Variants in CABLES1 observed in about 807,000 individuals in gnomAD.
The protein encoded by CABLES1 is Cdk5 and Abl enzyme substrate 1, also known as CDK5 and ABL1 enzyme substrate 1.
Under a neutral mutation model 57.8 loss-of-function variants are expected in CABLES1, and 36 were observed. The ratio of observed to expected loss-of-function variants is 0.62; its 90% confidence interval spans 0.48 to 0.82. The LOEUF is 0.82. Among genes scored for constraint, CABLES1 ranks in the 40% least tolerant of loss-of-function variants. The pLI is 0.00. For missense variants in CABLES1, 767 were observed against 836.6 expected, an observed-to-expected ratio of 0.92 and a Z score of 1.03; for synonymous variants, 374 against 363.0, an observed-to-expected ratio of 1.03 and a Z score of -0.35.
At chr18:23,165,556 T>C (rs2047036590) in intron 1 of CABLES1, among the ~76,000 whole-genome samples, 1 of 150,116 alleles carries the variant, frequency 6.7e-6, no homozygotes, top group African/African-American at 2.4e-5. Context: ...GCAACCACCA[T>C]TCTGCTTTCT....
chr18:23,150,197 G>A (rs1472656570), intron 1 of CABLES1, among the ~76,000 whole-genome samples: 1 of 130,340 alleles, frequency 7.7e-6, no homozygotes, highest in African/African-American at 3.1e-5. Flanking sequence ...GGTCATAGTA[G>A]TTGGTGTTTG....
At chr18:23,161,064 C>T (rs558796658) in intron 1 of CABLES1, among the ~76,000 whole-genome samples, 1 of 151,540 alleles carries the variant, frequency 6.6e-6, no homozygotes, top group African/African-American at 2.4e-5. Flanking sequence ...GTGAAAACAA[C>T]TGGGTATGGT....
intron 1 of CABLES1, among the ~76,000 whole-genome samples, chr18:23,185,878 T>C (rs1414855955): frequency 6.6e-6 from 1 of 152,224 alleles, no homozygotes; most frequent in Admixed American, 6.5e-5. Flanking sequence ...AGTGTTTTAC[T>C]TTGGATTTAA....
rs761137932 is a variant in CABLES1 at position 23,245,234 on chromosome 18, G to A, written c.1447-7726G>A. 1.3e-4 allele frequency among the ~76,000 whole-genome samples: 20 copies of A among 152,294 alleles called. 1 individual carries two copies. Among genetic ancestry groups the A allele is most frequent in the South Asian group, 2.1e-4 (1 of 4,830 alleles). ...GTACAAAGCAAAGGATGGGCCGGGCGTAGTGCCTCATGCCTGTAACCCCAA... is the reference window on the plus strand; with the variant it reads ...GTACAAAGCAAAGGATGGGCCGGGCATAGTGCCTCATGCCTGTAACCCCAA... On this transcript the variant is annotated intron_variant, in intron 7 of 9. Coordinates refer to ENST00000256925, the MANE Select transcript of CABLES1 (RefSeq NM_001100619.3).
In CABLES1 at chr18:23,135,598, G is replaced by A. The variant is rs1033750317; in HGVS notation, c.-165G>A. ...CGGCGGCGCCCCCATCCCCAGCACC[G>A]AGGGGCGAGCATGGCCCGCCCGCGG... On this transcript the variant is annotated 5_prime_UTR_variant, in exon 1 of 10. Coordinates refer to ENST00000256925, the MANE Select transcript of CABLES1 (RefSeq NM_001100619.3). 5 of 249,360 alleles carry A rather than the reference G, an allele frequency of 2.0e-5. No individual in the cohort carries two copies. The allele number at this position is 249,360 out of a possible 1,614,324, so 15.4% of individuals were successfully genotyped here. A position where few individuals can be genotyped will look rare whatever the true frequency, so the allele number is the denominator to read the frequency against.
Position 23,240,374 on chromosome 18 carries a change from A to G in CABLES1, c.1446+3129A>G, listed in dbSNP as rs377177633. ...CCCTTCCCCCTACACACACACAGGC[A>G]GGAGGCAGAGCCCACAAATGATGAT... On this transcript the variant is annotated intron_variant, in intron 7 of 9. Coordinates refer to ENST00000256925, the MANE Select transcript of CABLES1 (RefSeq NM_001100619.3). Among the ~76,000 whole-genome samples the G allele has an allele frequency of 6.4e-4, 97 of 152,336 alleles. 1 individual carries two copies. The East Asian group carries it at 0.013, about 20-fold the overall frequency.
intron 1 of CABLES1, among the ~76,000 whole-genome samples, chr18:23,177,637 ATTC>A (rs2047134212): frequency 6.6e-6 from 1 of 151,864 alleles, no homozygotes; most frequent in African/African-American, 2.4e-5. Flanking sequence ...GCTGGGAGGA[ATTC>A]TTCCTATGCC....
At chr18:23,166,461 C>A (rs1047220011) in intron 1 of CABLES1, among the ~76,000 whole-genome samples, 2 of 152,320 alleles carry the variant, frequency 1.3e-5, no homozygotes, top group South Asian at 4.1e-4. Context: ...CCTTGGCCTC[C>A]CAAAGTGTTG....
intron 4 of CABLES1, among the ~76,000 whole-genome samples, chr18:23,220,086 C>T (rs2047475330): frequency 6.6e-6 from 1 of 152,108 alleles, no homozygotes; most frequent in Non-Finnish European, 1.5e-5. Context: ...AAGGGATCGG[C>T]CTCACAGTGA....
At chr18:23,219,287 C>G (rs907137252) in intron 4 of CABLES1, 1 of 454,104 alleles carries the variant, frequency 2.2e-6, no homozygotes, top group Non-Finnish European at 4.4e-6. Context: ...GCTAGTAAAC[C>G]AATCATCAAA....
intron 1 of CABLES1, among the ~76,000 whole-genome samples, chr18:23,172,283 G>A (rs1225022389): frequency 2.6e-5 from 4 of 152,124 alleles, no homozygotes; most frequent in Admixed American, 1.3e-4. Context: ...TGTTCCTGTC[G>A]TTACCTCTGC....
At chr18:23,247,581 A>T (rs1409318106) in intron 7 of CABLES1, among the ~76,000 whole-genome samples, 1 of 152,222 alleles carries the variant, frequency 6.6e-6, no homozygotes, top group Non-Finnish European at 1.5e-5. Flanking sequence ...CGCTGTCGAC[A>T]TCAAGTGGAT....
At chr18:23,205,269 C>T (rs1222465763) in intron 3 of CABLES1, among the ~76,000 whole-genome samples, 1 of 141,012 alleles carries the variant, frequency 7.1e-6, no homozygotes, top group East Asian at 2.3e-4. Flanking sequence ...CTCACTGCAA[C>T]TGCAGCCTCC....
rs568197042 is a variant in CABLES1 at position 23,155,825 on chromosome 18, G to A, written c.845+19218G>A. 8 of 1,608,258 alleles carry A rather than the reference G, an allele frequency of 5.0e-6. No homozygotes were observed. The Admixed American group carries it at 1.2e-4, about 24-fold the overall frequency. On this transcript the variant is annotated intron_variant, in intron 1 of 9. Transcript: ENST00000256925. ...CTCAACAGTGCTTGCTTAGCCTCCA[G>A]GCCATTTTTCTTCCTGGTGTTTGAA... is the stretch of plus-strand genomic sequence containing the variant.
chr18:23,159,400 C>T (rs957637770), intron 1 of CABLES1, among the ~76,000 whole-genome samples: 1 of 152,204 alleles, frequency 6.6e-6, no homozygotes, highest in African/African-American at 2.4e-5. Flanking sequence ...CTTTGCTTCG[C>T]CTAAGCTGCT....
rs2048261777 is a variant in CABLES1, at chr18:23,260,223, G to A, written c.*2856G>A. ...CCCGCTAATAAAACCTATTTAAACAGGAAATTCATACCAAATGCAAATGGG... is the reference window on the plus strand; with the variant it reads ...CCCGCTAATAAAACCTATTTAAACAAGAAATTCATACCAAATGCAAATGGG... On this transcript the variant is annotated 3_prime_UTR_variant, in exon 10 of 10. Coordinates refer to ENST00000256925, the MANE Select transcript of CABLES1 (RefSeq NM_001100619.3). 1 of 152,162 alleles carries A rather than the reference G, an allele frequency of 6.6e-6. No individual in the cohort carries two copies. The highest frequency in any genetic ancestry group is 2.4e-5 in the African/African-American group (1 of 41,426). The allele number at this position is 152,162 out of a possible 1,614,324, so 9.4% of individuals were successfully genotyped here. A position where few individuals can be genotyped will look rare whatever the true frequency, so the allele number is the denominator to read the frequency against.
chr18:23,137,183 G>T (rs763484404), intron 1 of CABLES1, among the ~76,000 whole-genome samples: 4 of 152,220 alleles, frequency 2.6e-5, no homozygotes, highest in Non-Finnish European at 4.4e-5. Context: ...CTAGGCCTAG[G>T]GGGGTGGGGA....
At chr18:23,160,093 A>G (rs1294311972) in intron 1 of CABLES1, among the ~76,000 whole-genome samples, 2 of 149,862 alleles carry the variant, frequency 1.3e-5, no homozygotes, top group African/African-American at 4.9e-5. Flanking sequence ...GTTGGAGTGC[A>G]GTGGCGCGAT....
At chr18:23,216,450 G>A (rs2047442641) in intron 4 of CABLES1, among the ~76,000 whole-genome samples, 1 of 152,186 alleles carries the variant, frequency 6.6e-6, no homozygotes, top group Admixed American at 6.5e-5. Flanking sequence ...GTTAACTGTA[G>A]CTCCCAGGAG....
Sources: gnomAD v4.1 joint callset for allele counts (sites outside exome capture counted in the v4.1 genomes callset) on GRCh38, gnomAD v4.1.1 for gene constraint, MANE v1.5 for transcripts, NCBI Gene and HGNC (gene_info 2026-07-23, HGNC 2026-07-21) for gene names.